The following PIBF1 variants were observed in gnomAD, a reference collection of about 807,000 sequenced individuals.
PIBF1 encodes the protein progesterone-induced-blocking factor 1.
In PIBF1, 90 loss-of-function variants were observed where a neutral mutation model predicts 112.5. The observed-to-expected ratio is 0.80, with a 90% confidence interval of 0.67 to 0.95. PIBF1 has a LOEUF of 0.95. PIBF1 is among the 40% of genes least tolerant of loss of function. The pLI is 0.00. For synonymous variants in PIBF1, 301 were observed against 288.6 expected (o/e 1.04, Z -0.44); for missense variants, 915 against 852.3 (o/e 1.07, Z -0.92).
intron 10 of PIBF1, among the ~76,000 whole-genome samples, chr13:72,863,079 G>T (rs1442200760): frequency 6.6e-6 from 1 of 152,004 alleles, no homozygotes; most frequent in African/African-American, 2.4e-5. Flanking sequence ...GTTTTATGAA[G>T]AAATACATGT....
intron 8 of PIBF1, among the ~76,000 whole-genome samples, chr13:72,832,283 A>T (rs1020830817): frequency 4.6e-5 from 7 of 151,872 alleles, no homozygotes. Context: ...TAATATTGTT[A>T]TGTGTGAATT....
chr13:73,010,368 C>T (rs767566480), intron 17 of PIBF1, among the ~76,000 whole-genome samples: 22 of 151,606 alleles, frequency 1.5e-4, no homozygotes, highest in Non-Finnish European at 2.2e-4. Flanking sequence ...TTTGGGAGGC[C>T]GAGGCAGGCG....
chr13:72,908,171 C>G (rs1472161816), intron 11 of PIBF1, among the ~76,000 whole-genome samples: 2 of 152,116 alleles, frequency 1.3e-5, no homozygotes, highest in African/African-American at 2.4e-5. Context: ...TTGTAAGCCT[C>G]TGTCAAATGG....
chr13:72,804,532 G>C (rs187864498), intron 5 of PIBF1, among the ~76,000 whole-genome samples: 1 of 152,128 alleles, frequency 6.6e-6, no homozygotes, highest in African/African-American at 2.4e-5. Context: ...AGGGCAGGAC[G>C]CCTGTCACCT....
At chr13:72,785,031 C>T (rs1262838293) in intron 2 of PIBF1, among the ~76,000 whole-genome samples, 2 of 152,056 alleles carry the variant, frequency 1.3e-5, no homozygotes, top group Non-Finnish European at 2.9e-5. Context: ...CCCCACCATG[C>T]CCAGCTAGCT....
At chr13:72,935,763 T>C (rs1323021885) in intron 14 of PIBF1, among the ~76,000 whole-genome samples, 1 of 152,164 alleles carries the variant, frequency 6.6e-6, no homozygotes, top group Non-Finnish European at 1.5e-5. Flanking sequence ...TGGTTTTAAT[T>C]TGCATTTCTC....
At chr13:73,007,626 A>T (rs1435113168) in intron 17 of PIBF1, among the ~76,000 whole-genome samples, 1 of 152,126 alleles carries the variant, frequency 6.6e-6, no homozygotes, top group Non-Finnish European at 1.5e-5. Flanking sequence ...CCTGACCAAC[A>T]TGGAGAAACC....
At chr13:72,837,143 A>G (rs2037398378) in intron 9 of PIBF1, among the ~76,000 whole-genome samples, 1 of 152,126 alleles carries the variant, frequency 6.6e-6, no homozygotes, top group Non-Finnish European at 1.5e-5. Context: ...AACTAAAAAT[A>G]TGCTTTAGGC....
At chr13:72,816,258 C>CT (rs1381680984) in intron 5 of PIBF1, among the ~76,000 whole-genome samples, 1 of 152,100 alleles carries the variant, frequency 6.6e-6, no homozygotes, top group African/African-American at 2.4e-5. Flanking sequence ...AGTTGACTTG[C>CT]TAGAGCAAAA....
intron 14 of PIBF1, among the ~76,000 whole-genome samples, chr13:72,935,393 C>CA (rs1314030512): frequency 6.6e-6 from 1 of 152,072 alleles, no homozygotes; most frequent in Non-Finnish European, 1.5e-5. Context: ...TCATTTTTTT[C>CA]ATTACTGAGT....
At chr13:72,967,913 C>A (rs977946059) in intron 15 of PIBF1, among the ~76,000 whole-genome samples, 1 of 152,068 alleles carries the variant, frequency 6.6e-6, no homozygotes, top group Admixed American at 6.5e-5. Context: ...TGGCTGGGCA[C>A]GGTAGCTCAA....
intron 5 of PIBF1, among the ~76,000 whole-genome samples, chr13:72,812,295 A>G (rs558786127): frequency 6.6e-6 from 1 of 152,306 alleles, no homozygotes; most frequent in East Asian, 1.9e-4. Context: ...AATTTTTTTA[A>G]TGACCTCAGA....
At chr13:72,863,614 C>T (rs1321895485) in intron 10 of PIBF1, among the ~76,000 whole-genome samples, 2 of 147,846 alleles carry the variant, frequency 1.4e-5, no homozygotes, top group African/African-American at 2.5e-5. Context: ...GCAGAGATCT[C>T]GCCAATGCAC....
intron 9 of PIBF1, among the ~76,000 whole-genome samples, chr13:72,848,870 A>G (rs771205312): frequency 6.6e-6 from 1 of 151,798 alleles, no homozygotes; most frequent in Non-Finnish European, 1.5e-5. Flanking sequence ...TAAGTTTCTC[A>G]TTTGAATGTT....
chr13:72,928,230 A>G (rs1308397091), intron 13 of PIBF1, among the ~76,000 whole-genome samples: 3 of 151,504 alleles, frequency 2.0e-5, no homozygotes, highest in African/African-American at 7.3e-5. Flanking sequence ...CGTCACCATC[A>G]ATTCTCAGAA....
intron 11 of PIBF1, chr13:72,900,964 G>T (rs572444800): frequency 3.7e-4 from 125 of 335,526 alleles, no homozygotes; most frequent in Non-Finnish European, 6.4e-4. Context: ...GTACATTGCA[G>T]TGAACCGAGA....
rs1246755461 is a variant in PIBF1, at chr13:73,015,855, C to CT, written c.2224-7dup. On this transcript the variant is annotated splice_polypyrimidine_tract_variant and intron_variant, in intron 17 of 17. Transcript: ENST00000326291. ...AAGCATTTTATTGGATTTTCTTTTTCTTTTTTTAAACAGACTAAAAAAGAA... is the reference window on the plus strand; with the variant it reads ...AAGCATTTTATTGGATTTTCTTTTTCTTTTTTTTAAACAGACTAAAAAAGAA... 4.6e-6 allele frequency: 7 copies of CT among 1,519,274 alleles called. No homozygotes were observed. The highest frequency in any genetic ancestry group is 1.2e-5 in the South Asian group (1 of 81,212). 94.1% of individuals were successfully genotyped at this position (1,519,274 alleles called of 1,614,324 possible). A position where few individuals can be genotyped will look rare whatever the true frequency, so the allele number is the denominator to read the frequency against.
At chr13:72,872,942 CA>C (rs2039227360) in intron 10 of PIBF1, among the ~76,000 whole-genome samples, 1 of 151,994 alleles carries the variant, frequency 6.6e-6, no homozygotes, top group Non-Finnish European at 1.5e-5. Flanking sequence ...TGAGGAAAAA[CA>C]AAAACCTAAA....
chr13:72,985,673 G>A (rs1350266514), intron 16 of PIBF1, among the ~76,000 whole-genome samples: 2 of 152,180 alleles, frequency 1.3e-5, no homozygotes, highest in African/African-American at 4.8e-5. Flanking sequence ...TTAAGTCACT[G>A]ATCCCGTATC....
Sources: allele counts gnomAD v4.1 joint callset (sites outside exome capture counted in the v4.1 genomes callset), GRCh38; gene constraint gnomAD v4.1.1; transcripts MANE v1.5; gene names NCBI Gene and HGNC (gene_info 2026-07-23, HGNC 2026-07-21).